PTBP3: variants seen among roughly 807,000 people sequenced by gnomAD.
The protein encoded by PTBP3 is polypyrimidine tract-binding protein 3.
A neutral mutation model predicts 58.7 loss-of-function variants in PTBP3; 20 were observed. The ratio of observed to expected loss-of-function variants is 0.34; its 90% CI spans 0.24 to 0.50. The LOEUF (loss-of-function observed/expected upper bound fraction) is 0.50, where lower values mean the gene tolerates loss of function less well. Ranked by LOEUF, PTBP3 falls within the 20% of genes least tolerant of loss-of-function variation. The pLI is 0.98. For missense variants in PTBP3, 509 were observed against 637.2 expected, an observed-to-expected ratio of 0.80 and a Z score of 2.17; for synonymous variants, 185 against 219.8, an observed-to-expected ratio of 0.84 and a Z score of 1.40.
the PTBP3 span, among the ~76,000 whole-genome samples, chr9:112,357,454 T>C: frequency 1.3e-3 from 200 of 152,228 alleles, 1 homozygote; most frequent in Non-Finnish European, 2.0e-3. Flanking sequence ...TGGGCTCAGT[T>C]GATCCTCTTA....
At chr9:112,257,238 C>T (rs1181775565) in intron 5 of PTBP3, among the ~76,000 whole-genome samples, 1 of 152,018 alleles carries the variant, frequency 6.6e-6, no homozygotes, top group East Asian at 1.9e-4. Flanking sequence ...AGAGGAGCTA[C>T]AAAAAACGAT....
intron 2 of PTBP3, among the ~76,000 whole-genome samples, chr9:112,291,776 C>G (rs2132285971): frequency 6.6e-6 from 1 of 152,132 alleles, no homozygotes; most frequent in South Asian, 2.1e-4. Context: ...CTATAAGAGA[C>G]AAAGGGGGAA....
chr9:112,346,467 G>T, the PTBP3 span, among the ~76,000 whole-genome samples: 1 of 151,844 alleles, frequency 6.6e-6, no homozygotes, highest in African/African-American at 2.4e-5. Context: ...ACACCTGGCC[G>T]GCAAATATAA....
the PTBP3 span, among the ~76,000 whole-genome samples, chr9:112,364,132 T>C: frequency 4.7e-5 from 7 of 150,400 alleles, no homozygotes; most frequent in African/African-American, 9.7e-5. Flanking sequence ...CTTAGTAATA[T>C]GCATTTAACT....
At chr9:112,224,623 G>C (rs1438459548) in intron 12 of PTBP3, among the ~76,000 whole-genome samples, 1 of 152,152 alleles carries the variant, frequency 6.6e-6, no homozygotes, top group African/African-American at 2.4e-5. Flanking sequence ...GGGTAATTCT[G>C]AATGTGTGTA....
chr9:112,259,780 A>G (rs1385330523), intron 5 of PTBP3, among the ~76,000 whole-genome samples: 1 of 152,152 alleles, frequency 6.6e-6, no homozygotes, highest in Non-Finnish European at 1.5e-5. Context: ...GGTACAACCA[A>G]CTCCATACTT....
intron 6 of PTBP3, among the ~76,000 whole-genome samples, chr9:112,251,819 T>A (rs766334202): frequency 5.9e-5 from 9 of 152,076 alleles, no homozygotes; most frequent in Non-Finnish European, 1.2e-4. Flanking sequence ...TATATCCTGA[T>A]TTATAATAAT....
chr9:112,233,272 GGT>G (rs72086685), intron 8 of PTBP3, among the ~76,000 whole-genome samples: 17,031 of 144,038 alleles, frequency 0.12, 1,143 homozygotes, highest in East Asian at 0.24. Context: ...TACACTGTAG[GGT>G]GTGTGTGTGT....
At chr9:112,290,301 A>C (rs10981344) in intron 2 of PTBP3, among the ~76,000 whole-genome samples, 40,433 of 152,116 alleles carry the variant, frequency 0.27, 6,688 homozygotes, top group South Asian at 0.41. Flanking sequence ...TGAAAATATA[A>C]TCGATTTCAT....
At chr9:112,309,648 C>T (rs1564453595) in intron 1 of PTBP3, among the ~76,000 whole-genome samples, 1 of 151,726 alleles carries the variant, frequency 6.6e-6, no homozygotes, top group African/African-American at 2.4e-5. Flanking sequence ...ATTAGCTGGG[C>T]GTGGTGGTGG....
At chr9:112,244,289 C>CACAAAAAAAAAAAAAAAAAAA (rs1835783657) in intron 7 of PTBP3, among the ~76,000 whole-genome samples, 1 of 36,318 alleles carries the variant, frequency 2.8e-5, no homozygotes, top group African/African-American at 1.1e-4. Flanking sequence ...GACTCTGTCT[C>CACAAAAAAAAAAAAAAAAAAA]AAAAAAAAAA....
intron 7 of PTBP3, among the ~76,000 whole-genome samples, chr9:112,242,108 T>C (rs1380710219): frequency 6.6e-6 from 1 of 152,210 alleles, no homozygotes; most frequent in East Asian, 1.9e-4. Context: ...CACCTAATAT[T>C]AAATCACATT....
At position 112,222,170 on chromosome 9, in the gene PTBP3, A is replaced by G. The variant is rs554120238; in HGVS notation, c.*1681T>C. 4.1e-6 allele frequency: 4 copies of G among 985,672 alleles called. No homozygotes were observed. The African/African-American group carries it at 7.0e-5, about 17-fold the overall frequency. The allele number at this position is 985,672 out of a possible 1,614,324, so 61.1% of individuals were successfully genotyped here. ...AGAATCTGAAAAGTGTAAAAGGGGT[A>G]GACAAAAAAATGACCCTTTTGACAA... is the stretch of plus-strand genomic sequence containing the variant. On this transcript the variant is annotated 3_prime_UTR_variant, in exon 14 of 14. Transcript: ENST00000374257.
the PTBP3 span, among the ~76,000 whole-genome samples, chr9:112,373,019 C>A: frequency 4.4e-5 from 4 of 91,688 alleles, no homozygotes; most frequent in Non-Finnish European, 6.5e-5. Flanking sequence ...CTCAGCCTTC[C>A]AAGTAGCTGG....
intron 4 of PTBP3, among the ~76,000 whole-genome samples, chr9:112,267,516 A>T (rs573997616): frequency 6.6e-6 from 1 of 152,332 alleles, no homozygotes; most frequent in Non-Finnish European, 1.5e-5. Flanking sequence ...AAATTATTAT[A>T]CTATTTTTAA....
At position 112,220,708 on chromosome 9, in the gene PTBP3, A is replaced by G. The variant is rs1834777153; in HGVS notation, c.*3143T>C. The G allele has an allele frequency of 5.1e-6, 5 of 985,352 alleles. No individual in the cohort carries two copies. The highest frequency in any genetic ancestry group is 6.0e-6 in the Non-Finnish European group (5 of 829,504). 61.0% of individuals were successfully genotyped at this position (985,352 alleles called of 1,614,324 possible). A position where few individuals can be genotyped will look rare whatever the true frequency, so the allele number is the denominator to read the frequency against. ...TCATTTTTCTATTTGTATGTTACACAAAACACATTTTACTGCTATGCAAAT... is the reference window on the plus strand; with the variant it reads ...TCATTTTTCTATTTGTATGTTACACGAAACACATTTTACTGCTATGCAAAT... On this transcript the variant is annotated 3_prime_UTR_variant, in exon 14 of 14. Coordinates refer to ENST00000374257, the MANE Select transcript of PTBP3 (RefSeq NM_001163788.4).
At chr9:112,358,877 T>G in the PTBP3 span, among the ~76,000 whole-genome samples, 1 of 152,202 alleles carries the variant, frequency 6.6e-6, no homozygotes, top group South Asian at 2.1e-4. Context: ...AGTCTTGCTC[T>G]GTTACCCAGG....
At chr9:112,228,561 T>TTACACTATA (rs1835081350) in intron 10 of PTBP3, 89 bp from the exon 11 acceptor site, 2 of 876,510 alleles carry the variant, frequency 2.3e-6, no homozygotes, top group Non-Finnish European at 3.4e-6. Context: ...AAGGCATTTC[T>TTACACTATA]TACTCTCCCT....
At chr9:112,309,114 T>A (rs1426678958) in intron 1 of PTBP3, among the ~76,000 whole-genome samples, 1 of 152,184 alleles carries the variant, frequency 6.6e-6, no homozygotes, top group Admixed American at 6.5e-5. Context: ...CAAGAAAAGA[T>A]ATTTGTTTTA....
Sources: allele counts gnomAD v4.1 joint callset (sites outside exome capture counted in the v4.1 genomes callset), GRCh38; gene constraint gnomAD v4.1.1; transcripts MANE v1.5; gene names NCBI Gene and HGNC (gene_info 2026-07-23, HGNC 2026-07-21).